ZNF521: variants seen among roughly 807,000 people sequenced by gnomAD.
ZNF521 encodes the protein zinc finger protein 521, also known as LYST-interacting protein 3.
Under a neutral mutation model 105.5 loss-of-function variants are expected in ZNF521, and 14 were observed. That is an observed-to-expected ratio of 0.13 (90% CI 0.09 to 0.21). The LOEUF (loss-of-function observed/expected upper bound fraction) is 0.21, where lower values mean the gene tolerates loss of function less well. Among genes scored for constraint, ZNF521 ranks in the 10% least tolerant of loss-of-function variants. The pLI, the probability that ZNF521 is intolerant of heterozygous loss-of-function variation, is 1.00. For missense variants in ZNF521, 1,233 were observed against 1,629.7 expected (o/e 0.76, Z 4.19); for synonymous variants, 635 against 606.0 (o/e 1.05, Z -0.70).
intron 2 of ZNF521, among the ~76,000 whole-genome samples, chr18:25,338,259 T>TGTGTGTGTGTGTG (rs769552251): frequency 2.2e-5 from 3 of 136,510 alleles, no homozygotes; most frequent in African/African-American, 5.5e-5. Flanking sequence ...TCATAGACTT[T>TGTGTGTGTGTGTG]TGTGTGTGTG....
chr18:25,174,951 A>T (rs1341896740), intron 5 of ZNF521, among the ~76,000 whole-genome samples: 1 of 152,234 alleles, frequency 6.6e-6, no homozygotes, highest in African/African-American at 2.4e-5. Context: ...TTTTCCTAAA[A>T]TACTTACCAC....
At chr18:25,090,561 T>C (rs2144211845) in intron 6 of ZNF521, among the ~76,000 whole-genome samples, 1 of 152,338 alleles carries the variant, frequency 6.6e-6, no homozygotes, top group South Asian at 2.1e-4. Context: ...TACTTCAAGA[T>C]ACGCTAAAAC....
At chr18:25,207,320 C>T (rs574130443) in intron 4 of ZNF521, among the ~76,000 whole-genome samples, 55 of 140,862 alleles carry the variant, frequency 3.9e-4, no homozygotes, top group Non-Finnish European at 6.0e-4. Context: ...CATGGTGTGG[C>T]GGCTCATTTA....
rs373561837 is a variant in ZNF521, at chr18:25,159,426, A to G, written c.3658+35734T>C. Among the ~76,000 whole-genome samples the G allele has an allele frequency of 4.6e-5, 7 of 152,344 alleles. No individual in the cohort carries two copies. In the South Asian group the frequency reaches 8.3e-4, roughly 18 times the overall value. Reference sequence around the variant, plus strand: ...CATACAGATGTTTAAGTTTTCTGCTATTACTGGCTGAGAAAAGAATCTAAA... The same window carrying G: ...CATACAGATGTTTAAGTTTTCTGCTGTTACTGGCTGAGAAAAGAATCTAAA... On this transcript the variant is annotated intron_variant, in intron 5 of 7. Coordinates refer to ENST00000361524, the MANE Select transcript of ZNF521 (RefSeq NM_015461.3).
intron 5 of ZNF521, among the ~76,000 whole-genome samples, chr18:25,156,812 T>C (rs2035153441): frequency 1.3e-5 from 2 of 152,194 alleles, no homozygotes; most frequent in South Asian, 4.1e-4. Context: ...AAACATCTCA[T>C]AGTCTTAAAA....
chr18:25,281,806 T>C (rs1036846635), intron 3 of ZNF521, among the ~76,000 whole-genome samples: 1 of 152,150 alleles, frequency 6.6e-6, no homozygotes, highest in African/African-American at 2.4e-5. Flanking sequence ...TTTCTGACTG[T>C]CCAGTGCAGT....
At chr18:25,163,011 C>T (rs1407627885) in intron 5 of ZNF521, among the ~76,000 whole-genome samples, 1 of 151,956 alleles carries the variant, frequency 6.6e-6, no homozygotes, top group Non-Finnish European at 1.5e-5. Context: ...CTCCATTGTT[C>T]CATCTGTATT....
intron 3 of ZNF521, among the ~76,000 whole-genome samples, chr18:25,276,760 G>A (rs987960670): frequency 3.9e-5 from 6 of 152,208 alleles, no homozygotes; most frequent in South Asian, 2.1e-4. Flanking sequence ...CTGTGAAGAA[G>A]TTAATGAAGT....
At chr18:25,232,754 G>A (rs1003582881) in intron 3 of ZNF521, among the ~76,000 whole-genome samples, 3 of 152,214 alleles carry the variant, frequency 2.0e-5, no homozygotes, top group South Asian at 4.1e-4. Context: ...CTTAAAACAC[G>A]AGCAATACAA....
At chr18:25,082,562 G>C (rs1362911482) in intron 7 of ZNF521, 1 of 447,962 alleles carries the variant, frequency 2.2e-6, no homozygotes, top group South Asian at 1.6e-5. Flanking sequence ...TTGGCCTGGT[G>C]TGATGGCTCA....
rs143627151 is a variant in ZNF521, at chr18:25,189,993, G to C, written c.3658+5167C>G. 1.4e-4 allele frequency among the ~76,000 whole-genome samples: 22 copies of C among 152,214 alleles called. No individual in the cohort carries two copies. The East Asian group carries it at 4.1e-3, about 28-fold the overall frequency. ...ATGACAGCTGAGGAGAGATGACCTG[G>C]CCCACTTCTCATCTCTCCTGTACAG... On this transcript the variant is annotated intron_variant, in intron 5 of 7. Coordinates refer to ENST00000361524, the MANE Select transcript of ZNF521 (RefSeq NM_015461.3).
intron 5 of ZNF521, among the ~76,000 whole-genome samples, chr18:25,147,440 GA>G (rs1166997583): frequency 6.6e-6 from 1 of 152,136 alleles, no homozygotes; most frequent in Non-Finnish European, 1.5e-5. Context: ...TCCAAGTTCA[GA>G]AAATCCGGTT....
At chr18:25,112,874 T>C (rs968874768) in intron 5 of ZNF521, among the ~76,000 whole-genome samples, 2 of 152,144 alleles carry the variant, frequency 1.3e-5, no homozygotes, top group African/African-American at 2.4e-5. Flanking sequence ...CTGCATGCCG[T>C]AGATTTAATA....
chr18:25,305,260 G>T (rs1262845016), intron 3 of ZNF521, among the ~76,000 whole-genome samples: 1 of 152,010 alleles, frequency 6.6e-6, no homozygotes, highest in Non-Finnish European at 1.5e-5. Flanking sequence ...ATTTTTCATT[G>T]TACTAAACTC....
intron 7 of ZNF521, among the ~76,000 whole-genome samples, chr18:25,087,796 G>A (rs546705618): frequency 1.1e-4 from 17 of 152,212 alleles, no homozygotes; most frequent in Admixed American, 5.9e-4. Context: ...TTTTAGAAGC[G>A]ATACAAGGTA....
chr18:25,111,899 G>A (rs1053363505), intron 5 of ZNF521, among the ~76,000 whole-genome samples: 5 of 152,122 alleles, frequency 3.3e-5, no homozygotes, highest in Non-Finnish European at 5.9e-5. Flanking sequence ...GGCCCTCCTC[G>A]GCGTGGCGGA....
At chr18:25,152,824 T>C (rs1805514734) in intron 5 of ZNF521, among the ~76,000 whole-genome samples, 1 of 152,202 alleles carries the variant, frequency 6.6e-6, no homozygotes, top group Non-Finnish European at 1.5e-5. Context: ...TCTTCTATTT[T>C]TGATACTTCG....
At chr18:25,184,346 CTAATT>C (rs1268352797) in intron 5 of ZNF521, among the ~76,000 whole-genome samples, 1 of 152,052 alleles carries the variant, frequency 6.6e-6, no homozygotes, top group Non-Finnish European at 1.5e-5. Flanking sequence ...ATAATATAGA[CTAATT>C]TAAAGAAAAC....
At chr18:25,342,680 G>A (rs879086829) in intron 2 of ZNF521, among the ~76,000 whole-genome samples, 1 of 151,830 alleles carries the variant, frequency 6.6e-6, no homozygotes, top group African/African-American at 2.4e-5. Flanking sequence ...CGCCCGCCTC[G>A]GCCTCCCAAA....
Sources: allele counts gnomAD v4.1 joint callset (sites outside exome capture counted in the v4.1 genomes callset), GRCh38; gene constraint gnomAD v4.1.1; transcripts MANE v1.5; gene names NCBI Gene and HGNC (gene_info 2026-07-23, HGNC 2026-07-21).